Variants in PSMD4 observed in about 807,000 individuals in gnomAD.
The protein encoded by PSMD4 is 26S proteasome non-ATPase regulatory subunit 4.
Under a neutral mutation model 39.7 loss-of-function variants are expected in PSMD4, and 5 were observed. The observed-to-expected ratio is 0.13, with a 90% CI of 0.07 to 0.26. The LOEUF (loss-of-function observed/expected upper bound fraction) is 0.26, where lower values mean the gene tolerates loss of function less well. Ranked by LOEUF, PSMD4 falls within the 10% of genes least tolerant of loss-of-function variation. PSMD4 has a pLI of 1.00. For missense variants in PSMD4, 272 were observed against 486.1 expected (o/e 0.56, Z 4.14); for synonymous variants, 143 against 174.6 (o/e 0.82, Z 1.43).
At chr1:151,258,256 G>A (rs1283835995) in intron 1 of PSMD4, among the ~76,000 whole-genome samples, 1 of 151,906 alleles carries the variant, frequency 6.6e-6, no homozygotes, top group African/African-American at 2.4e-5. Flanking sequence ...TCGAACACTT[G>A]ACCTCAGGTG....
chr1:151,256,032 G>T (rs1693156092), intron 1 of PSMD4, among the ~76,000 whole-genome samples: 2 of 150,790 alleles, frequency 1.3e-5, no homozygotes, highest in Admixed American at 6.7e-5. Flanking sequence ...AGGCTTGTTG[G>T]CTGTATGTAT....
At position 151,256,360 on chromosome 1, in the gene PSMD4, TAATAA is replaced by T. The variant is rs1484738089; in HGVS notation, c.26+1559_26+1563del. 8.6e-4 allele frequency among the ~76,000 whole-genome samples: 44 copies of T among 51,086 alleles called. 1 individual carries two copies. The highest frequency in any genetic ancestry group is 3.8e-3 in the African/African-American group (41 of 10,890). The allele number at this position is 51,086 out of a possible 152,430, so 33.5% of individuals were successfully genotyped here. The stretch of plus-strand genomic sequence containing the variant: ...CTCCCTCTCAAAAAAAAAAAAATAA[TAATAA>T]AATAAATAAATAAATAAATAAATAA... On this transcript the variant is annotated intron_variant, in intron 1 of 9. Coordinates refer to ENST00000368884, the MANE Select transcript of PSMD4 (RefSeq NM_002810.4).
intron 1 of PSMD4, among the ~76,000 whole-genome samples, chr1:151,256,818 C>T (rs1472960755): frequency 6.6e-6 from 1 of 150,654 alleles, no homozygotes; most frequent in African/African-American, 2.4e-5. Flanking sequence ...CCGCAACCTT[C>T]GGCTCACCGC....
chr1:151,267,244 G>A lies in PSMD4; in HGVS notation c.1035G>A (p.Val345=), dbSNP rs11430. 9.4e-4 allele frequency: 1,514 copies of A among 1,613,716 alleles called. 16 individuals are homozygous for A. The African/African-American group carries it at 0.017, about 18-fold the overall frequency. The change falls in exon 10 of 10, where the codon GTG becomes GTA. Residue 345 remains valine (V), a synonymous_variant. Coordinates refer to ENST00000368884, the MANE Select transcript of PSMD4 (RefSeq NM_002810.4). ...GTGTCCTAGAGAACCTCCCAGGTGT[G>A]GATCCCAACAATGAAGCCATTCGAA... is the stretch of plus-strand genomic sequence containing the variant. ...LQSVLENLPG[V]DPNNEAIRNA... is the part of the protein sequence containing the mutation.
chr1:151,258,680 C>T (rs938822907), intron 1 of PSMD4, among the ~76,000 whole-genome samples: 1 of 151,810 alleles, frequency 6.6e-6, no homozygotes, highest in Non-Finnish European at 1.5e-5. Flanking sequence ...AGGCTGGTCT[C>T]GAACTCTTGG....
At chr1:151,258,453 T>TG (rs1693233309) in intron 1 of PSMD4, among the ~76,000 whole-genome samples, 1 of 82,078 alleles carries the variant, frequency 1.2e-5, no homozygotes, top group African/African-American at 4.7e-5. Context: ...TTTCGAGTGT[T>TG]TTTTTTTTTT....
At chr1:151,257,334 T>C (rs1693198851) in intron 1 of PSMD4, among the ~76,000 whole-genome samples, 1 of 152,214 alleles carries the variant, frequency 6.6e-6, no homozygotes, top group Non-Finnish European at 1.5e-5. Flanking sequence ...CGGTTTTGGT[T>C]ATTGTAGCCC....
intron 1 of PSMD4, among the ~76,000 whole-genome samples, chr1:151,261,654 A>G (rs938163735): frequency 4.6e-5 from 7 of 152,070 alleles, no homozygotes; most frequent in African/African-American, 1.4e-4. Flanking sequence ...TTTTGTAAGG[A>G]TTTAAAAATT....
At chr1:151,256,479 C>T (rs1296054681) in intron 1 of PSMD4, among the ~76,000 whole-genome samples, 37 of 140,652 alleles carry the variant, frequency 2.6e-4, no homozygotes, top group Admixed American at 5.8e-4. Flanking sequence ...GCTCTTGTTG[C>T]CCAGGTTGGA....
At chr1:151,256,744 C>T (rs1348578350) in intron 1 of PSMD4, among the ~76,000 whole-genome samples, 2 of 150,408 alleles carry the variant, frequency 1.3e-5, no homozygotes, top group African/African-American at 4.9e-5. Flanking sequence ...GGCTCCTTTG[C>T]CCACTTTTTT....
chr1:151,256,992 G>A (rs1000240095), intron 1 of PSMD4, among the ~76,000 whole-genome samples: 67 of 148,322 alleles, frequency 4.5e-4, no homozygotes, highest in African/African-American at 1.6e-3. Flanking sequence ...CAGGTGATCC[G>A]CCCGCCTCAG....
intron 1 of PSMD4, among the ~76,000 whole-genome samples, chr1:151,258,499 C>T (rs1360844498): frequency 3.5e-5 from 4 of 115,018 alleles, no homozygotes; most frequent in African/African-American, 6.9e-5. Flanking sequence ...CTCATTCTGT[C>T]ACCCAGGCTG....
chr1:151,266,765 G>T, intron 9 of PSMD4, 178 bp downstream of exon 9: 1 of 849,092 alleles, frequency 1.2e-6, no homozygotes, highest in Non-Finnish European at 1.9e-6. Context: ...GTCAGAGTTG[G>T]AGAAATGTCC....
At chr1:151,263,608 T>C (rs1333370712) in intron 2 of PSMD4, among the ~76,000 whole-genome samples, 5 of 151,752 alleles carry the variant, frequency 3.3e-5, no homozygotes, top group South Asian at 4.2e-4. Flanking sequence ...GTGGGCGGAT[T>C]ACGAGGTCAG....
At chr1:151,267,125 T>C (rs746906245) in intron 9 of PSMD4, 48 bp from the exon 10 acceptor site, 2 of 1,610,670 alleles carry the variant, frequency 1.2e-6, no homozygotes. Flanking sequence ...ACCTGCTTAC[T>C]TCCTGCCGCT....
chr1:151,257,715 C>CTTTTTGTTTTTTT (rs1693208823), intron 1 of PSMD4, among the ~76,000 whole-genome samples: 1 of 88,718 alleles, frequency 1.1e-5, no homozygotes. Context: ...ACCTGGCTTT[C>CTTTTTGTTTTTTT]TTTTTTTTTT....
chr1:151,259,318 G>A (rs935420327), intron 1 of PSMD4: 23 of 152,036 alleles, frequency 1.5e-4, no homozygotes, highest in Admixed American at 5.9e-4. Context: ...CTTAACCAGC[G>A]GAGTATCCCT....
rs751785323 is a variant in PSMD4 at position 151,265,454 on chromosome 1, G to A, written c.499G>A (p.Gly167Ser). ...CACGTTGAATGGCAAAGATGGAACC[G>A]GTTCTCATCTGGTGACAGTGCCTCC... ...VNTLNGKDGT[G>S]SHLVTVPPGP... Residue 167 changes from glycine (G) to serine (S), a missense_variant, in exon 6 of 10, where the codon GGT (glycine) becomes AGT (serine). By Grantham distance (56) the Gly-to-Ser change is moderately conservative (BLOSUM62 0). Coordinates refer to ENST00000368884, the MANE Select transcript of PSMD4 (RefSeq NM_002810.4). 8.7e-6 allele frequency: 14 copies of A among 1,614,088 alleles called. 1 individual carries two copies. Among genetic ancestry groups the A allele is most frequent in the Middle Eastern group, 1.6e-4 (1 of 6,082 alleles).
intron 1 of PSMD4, among the ~76,000 whole-genome samples, chr1:151,261,180 C>CTTTTTTTTT (rs587653164): frequency 1.7e-5 from 2 of 120,012 alleles, no homozygotes; most frequent in African/African-American, 3.1e-5. Context: ...TTTTCTTTTT[C>CTTTTTTTTT]TTTTTTTTTT....
Sources: gnomAD v4.1 joint callset for allele counts (sites outside exome capture counted in the v4.1 genomes callset) on GRCh38, gnomAD v4.1.1 for gene constraint, MANE v1.5 for transcripts, NCBI Gene and HGNC (gene_info 2026-07-23, HGNC 2026-07-21) for gene names.